The following GLUD1 variants were observed in gnomAD, a reference collection of about 807,000 sequenced individuals.
The protein encoded by GLUD1 is glutamate dehydrogenase 1.
A neutral mutation model predicts 56.0 loss-of-function variants in GLUD1; 22 were observed. That is an observed-to-expected ratio of 0.39 (90% CI 0.28 to 0.56). GLUD1 has a LOEUF of 0.56. Among genes scored for constraint, GLUD1 ranks in the 20% least tolerant of loss-of-function variants. GLUD1 has a pLI of 0.58. For synonymous variants in GLUD1, 223 were observed against 269.9 expected (o/e 0.83, Z 1.70); for missense variants, 451 against 732.0 (o/e 0.62, Z 4.43).
intron 11 of GLUD1, among the ~76,000 whole-genome samples, chr10:87,055,380 CAAACAGGGGCAGGGGG>C (rs1342059705): frequency 6.6e-6 from 1 of 151,978 alleles, no homozygotes; most frequent in African/African-American, 2.4e-5. Context: ...CTGATAGTGC[CAAACAGGGGCAGGGGG>C]AAACTAGAGG....
intron 4 of GLUD1, among the ~76,000 whole-genome samples, chr10:87,072,967 G>A (rs1406986793): frequency 6.6e-6 from 1 of 152,168 alleles, no homozygotes; most frequent in Non-Finnish European, 1.5e-5. Flanking sequence ...GGATGCACAA[G>A]TTCACAGTAG....
At chr10:87,066,100 GC>G (rs1231252201) in intron 5 of GLUD1, among the ~76,000 whole-genome samples, 1 of 152,058 alleles carries the variant, frequency 6.6e-6, no homozygotes, top group African/African-American at 2.4e-5. Context: ...TCTATCTCTT[GC>G]ACCGGTAAAT....
chr10:87,070,152 T>A (rs1001497164), intron 4 of GLUD1, among the ~76,000 whole-genome samples: 1 of 152,200 alleles, frequency 6.6e-6, no homozygotes, highest in African/African-American at 2.4e-5. Context: ...GCTTGTTACC[T>A]CAAACAACAA....
chr10:87,087,312 T>C (rs1161767505), intron 1 of GLUD1, among the ~76,000 whole-genome samples: 1 of 152,178 alleles, frequency 6.6e-6, no homozygotes, highest in Non-Finnish European at 1.5e-5. Flanking sequence ...TTCACCAACC[T>C]GGAAGCTCTC....
At chr10:87,062,901 GAATTA>G in intron 5 of GLUD1, 66 bp from the exon 6 acceptor site, 3 of 1,426,704 alleles carry the variant, frequency 2.1e-6, no homozygotes, top group Middle Eastern at 1.8e-4. Context: ...GGAACATAAT[GAATTA>G]AAGTCAAAGC....
chr10:87,084,966 A>G lies in GLUD1; in HGVS notation c.446-8310T>C, dbSNP rs539571831. Among the ~76,000 whole-genome samples, 5 of 152,340 alleles carry G rather than the reference A, an allele frequency of 3.3e-5. No homozygotes were observed. The East Asian group carries it at 9.6e-4, about 29-fold the overall frequency. On this transcript the variant is annotated intron_variant, in intron 1 of 12. Transcript: ENST00000277865. ...GAACTCTCAATGACCACCCACAAGT[A>G]ATGACCACCTGAAATACTACGTCTC...
chr10:87,070,347 T>A (rs559053211), intron 4 of GLUD1, among the ~76,000 whole-genome samples: 1 of 152,294 alleles, frequency 6.6e-6, no homozygotes, highest in East Asian at 1.9e-4. Context: ...ACGCCTGTAA[T>A]CCCAGCACTT....
chr10:87,075,763 A>C (rs563129123), intron 3 of GLUD1, among the ~76,000 whole-genome samples: 1 of 152,268 alleles, frequency 6.6e-6, no homozygotes, highest in East Asian at 1.9e-4. Context: ...CTCTACTAAA[A>C]ATACAAAAAT....
At chr10:87,089,514 C>T (rs1389937213) in intron 1 of GLUD1, 1 of 595,122 alleles carries the variant, frequency 1.7e-6, no homozygotes, top group African/African-American at 2.0e-5. Context: ...AATAAAATGC[C>T]TGGCACACAC....
chr10:87,092,657 G>T (rs1841538326), intron 1 of GLUD1: 6 of 963,972 alleles, frequency 6.2e-6, no homozygotes, highest in Non-Finnish European at 7.4e-6. Context: ...CTGGGCATCT[G>T]AAGAATCGAA....
chr10:87,094,759 T>C lies in GLUD1; in HGVS notation c.11A>G (p.Tyr4Cys). 6.5e-7 allele frequency: 1 copy of C among 1,537,276 alleles called. No homozygotes were observed. Among genetic ancestry groups the C allele is most frequent in the Non-Finnish European group, 8.8e-7 (1 of 1,139,918 alleles). The change falls in exon 1 of 13, where the codon TAC becomes TGC. Residue 4 changes from tyrosine to cysteine, a missense_variant. Physicochemically the swap from Tyr to Cys is radical, Grantham distance 194. Around this residue, in one of 4 missense-constraint regions of GLUD1, gnomAD observed 158 missense variants for 189.7 expected, o/e 0.83. Coordinates refer to ENST00000277865, the MANE Select transcript of GLUD1 (RefSeq NM_005271.5). This position sits in a 1 kb window ranked among gnomAD's most constrained non-coding sequence, Gnocchi z 6.6. Reference sequence around the variant, plus strand: ...GGACAGCAACAGCGCTTCGCCCAGGTAGCGGTACATGGCCACAAGCGGAGG... The same window carrying C: ...GGACAGCAACAGCGCTTCGCCCAGGCAGCGGTACATGGCCACAAGCGGAGG... Reference protein sequence around the residue: MYRYLGEALLLSRA... With the variant: MYRCLGEALLLSRA...
intron 1 of GLUD1, among the ~76,000 whole-genome samples, chr10:87,080,405 T>G (rs1669019275): frequency 6.6e-6 from 1 of 150,796 alleles, no homozygotes; most frequent in South Asian, 2.1e-4. Flanking sequence ...GCCCATCGTC[T>G]GAGATGTGAG....
At chr10:87,076,187 T>A (rs181967056) in intron 2 of GLUD1, among the ~76,000 whole-genome samples, 164 bp from the exon 3 acceptor site, 1 of 152,216 alleles carries the variant, frequency 6.6e-6, no homozygotes, top group African/African-American at 2.4e-5. Flanking sequence ...TTAAACAACA[T>A]TTTGTTGAAC....
At chr10:87,093,032 C>T (rs1442785625) in intron 1 of GLUD1, among the ~76,000 whole-genome samples, 1 of 152,212 alleles carries the variant, frequency 6.6e-6, no homozygotes, top group African/African-American at 2.4e-5. Context: ...GCAACCAGAG[C>T]TAGGGGATAA....
intron 11 of GLUD1, among the ~76,000 whole-genome samples, chr10:87,055,638 G>A (rs1564762142): frequency 6.6e-6 from 1 of 152,142 alleles, no homozygotes; most frequent in Non-Finnish European, 1.5e-5. Context: ...GGAGATCAGT[G>A]TATTCCAGAT....
intron 4 of GLUD1, among the ~76,000 whole-genome samples, chr10:87,068,742 A>G (rs904408469): frequency 2.6e-5 from 4 of 152,218 alleles, no homozygotes; most frequent in Non-Finnish European, 4.4e-5. Flanking sequence ...ATAAGGTTTT[A>G]GGCCTTAGCT....
intron 1 of GLUD1, chr10:87,089,895 A>G (rs1841471692): frequency 6.0e-6 from 1 of 166,014 alleles, no homozygotes; most frequent in Non-Finnish European, 1.2e-5. Context: ...CTTGGGGTAG[A>G]GCTGCTTCAC....
intron 1 of GLUD1, among the ~76,000 whole-genome samples, chr10:87,077,530 G>C (rs1212179779): frequency 6.7e-6 from 1 of 150,116 alleles, no homozygotes; most frequent in African/African-American, 2.5e-5. Flanking sequence ...CTTCTGCAAA[G>C]AGGGCAGGTA....
rs933130657 is a variant in GLUD1, at chr10:87,080,148, C to G, written c.446-3492G>C. ...GGAGACGGGATTTCGCTGTGTTGGC[C>G]GGGCTGGTCTCCAGCTCCTAACCGC... On this transcript the variant is annotated intron_variant, in intron 1 of 12. Coordinates refer to ENST00000277865, the MANE Select transcript of GLUD1 (RefSeq NM_005271.5). Among the ~76,000 whole-genome samples, 7 of 152,054 alleles carry G rather than the reference C, an allele frequency of 4.6e-5. 1 individual carries two copies. The South Asian group carries it at 8.3e-4, about 18-fold the overall frequency.
Sources: allele counts gnomAD v4.1 joint callset (sites outside exome capture counted in the v4.1 genomes callset), GRCh38; gene constraint gnomAD v4.1.1; regional missense constraint gnomAD v4.1.1; non-coding constraint Gnocchi (gnomAD v3.1); transcripts MANE v1.5; gene names NCBI Gene and HGNC (gene_info 2026-07-23, HGNC 2026-07-21).